Variants in DNAH14 observed in about 807,000 individuals in gnomAD.
DNAH14 encodes the protein axonemal beta dynein heavy chain 14.
Under a neutral mutation model 520.9 loss-of-function variants are expected in DNAH14, and 478 were observed. That is an observed-to-expected ratio of 0.92 (90% CI 0.85 to 0.99). DNAH14 has a LOEUF of 0.99. DNAH14 is among the 50% of genes least tolerant of loss of function. The probability of loss-of-function intolerance (pLI) is 0.00; values close to 1 mark genes in which losing one functional copy is unlikely to be tolerated. For synonymous variants in DNAH14, 1,581 were observed against 1,757.2 expected (o/e 0.90, Z 2.51); for missense variants, 4,831 against 5,234.5 (o/e 0.92, Z 2.38).
intron 73 of DNAH14, 169 bp downstream of exon 73, chr1:225,354,057 C>A: frequency 1.5e-6 from 1 of 682,858 alleles, no homozygotes. Context: ...ATGCTTCTTT[C>A]ATGTGGAGAG....
At chr1:224,948,446 C>G (rs2059980024) in intron 1 of DNAH14, among the ~76,000 whole-genome samples, 2 of 151,546 alleles carry the variant, frequency 1.3e-5, no homozygotes, top group South Asian at 4.2e-4. Flanking sequence ...TACTTGCATC[C>G]TTGTTGTATC....
rs1456483036 is a variant in DNAH14, at chr1:225,185,343, T to C, written c.5588T>C (p.Val1863Ala). 1.3e-6 allele frequency: 2 copies of C among 1,547,944 alleles called. No individual in the cohort carries two copies. Among genetic ancestry groups the C allele is most frequent in the Non-Finnish European group, 1.7e-6 (2 of 1,145,538 alleles). Reference sequence around the variant, plus strand: ...CCAACAGGTGGAGGAAAGACAACAGTCAGAAGAATTTTGGAAAAAGCATTA... The same window carrying C: ...CCAACAGGTGGAGGAAAGACAACAGCCAGAAGAATTTTGGAAAAAGCATTA... ...VGPTGGGKTT[V>A]RRILEKALTL... is the part of the protein sequence containing the mutation. Residue 1863 changes from valine (V) to alanine (A), a missense_variant, in exon 37 of 86, where the codon GTC becomes GCC. Coordinates refer to ENST00000682510, the MANE Select transcript of DNAH14 (RefSeq NM_001367479.1).
intron 55 of DNAH14, among the ~76,000 whole-genome samples, chr1:225,296,250 A>C (rs1336703472): frequency 6.6e-6 from 1 of 152,086 alleles, no homozygotes; most frequent in Admixed American, 6.6e-5. Context: ...AATAGAGACG[A>C]GGTCTCACTA....
At chr1:225,243,440 C>A (rs2092089481) in intron 43 of DNAH14, among the ~76,000 whole-genome samples, 1 of 151,862 alleles carries the variant, frequency 6.6e-6, no homozygotes. Flanking sequence ...TTGTAAAACA[C>A]ATAAAGAAAA....
intron 55 of DNAH14, among the ~76,000 whole-genome samples, chr1:225,291,986 T>TA (rs2093903260): frequency 1.3e-5 from 2 of 152,216 alleles, no homozygotes; most frequent in Admixed American, 6.5e-5. Flanking sequence ...ATATTCTAGA[T>TA]ATGAATCCTC....
chr1:225,343,003 C>CTGTCTTGTATCAGTGCAA lies in DNAH14; in HGVS notation c.10678+2320_10678+2337dup, dbSNP rs2095223436. Reference sequence around the variant, plus strand: ...CTTCCCGGAAGCAAGACAGATCTGCCTGTCTTGTATCAGTGCAATGTCTTG... The same window carrying CTGTCTTGTATCAGTGCAA: ...CTTCCCGGAAGCAAGACAGATCTGCCTGTCTTGTATCAGTGCAATGTCTTGTATCAGTGCAATGTCTTG... On this transcript the variant is annotated intron_variant, in intron 69 of 85. Coordinates refer to ENST00000682510, the MANE Select transcript of DNAH14 (RefSeq NM_001367479.1). Among the ~76,000 whole-genome samples the CTGTCTTGTATCAGTGCAA allele has an allele frequency of 1.5e-4, 23 of 152,276 alleles. No homozygotes were observed. The South Asian group carries it at 4.8e-3, about 32-fold the overall frequency.
intron 8 of DNAH14, among the ~76,000 whole-genome samples, chr1:224,997,100 G>A (rs998704159): frequency 6.6e-6 from 1 of 152,124 alleles, no homozygotes; most frequent in Non-Finnish European, 1.5e-5. Flanking sequence ...CTCAGATTGT[G>A]TACTACTGCT....
In DNAH14 at chr1:225,147,135, A is replaced by C; in HGVS notation, c.4826A>C (p.Gln1609Pro). The C allele has an allele frequency of 6.5e-7, 1 of 1,547,336 alleles. No individual in the cohort carries two copies. The highest frequency in any genetic ancestry group is 8.7e-7 in the Non-Finnish European group (1 of 1,145,616). The change falls in exon 31 of 86, where the codon CAG (glutamine) becomes CCG (proline). Residue 1609 changes from glutamine to proline, a missense_variant. By Grantham distance (76) the Gln-to-Pro change is moderately conservative. Coordinates refer to ENST00000682510, the MANE Select transcript of DNAH14 (RefSeq NM_001367479.1). ...AGAAAATTTTTCTTTGGACTAGTTC[A>C]GTCAGGAGCATGGAGTTGTTTTGAT... The part of the protein sequence containing the change: ...IVRKFFFGLV[Q>P]SGAWSCFDEF...
At chr1:225,340,423 T>G (rs1359011340) in intron 68 of DNAH14, 34 bp from the exon 69 acceptor site, 2 of 1,496,874 alleles carry the variant, frequency 1.3e-6, no homozygotes, top group South Asian at 2.7e-5. Flanking sequence ...CTTCTACATG[T>G]TCTTTGAATA....
intron 27 of DNAH14, among the ~76,000 whole-genome samples, chr1:225,140,378 C>G (rs2079329780): frequency 6.6e-6 from 1 of 152,150 alleles, no homozygotes; most frequent in African/African-American, 2.4e-5. Context: ...AGTCTGTAAA[C>G]TTTCTGAAAA....
chr1:224,933,152 G>C (rs1221243759), intron 1 of DNAH14, among the ~76,000 whole-genome samples: 1 of 151,790 alleles, frequency 6.6e-6, no homozygotes, highest in Non-Finnish European at 1.5e-5. Context: ...TACCTCCTTG[G>C]TTAAATTTAT....
rs566339712 is a variant in DNAH14, at chr1:225,289,987, A to G, written c.8374A>G (p.Ile2792Val). The change falls in exon 55 of 86, where the codon ATC (isoleucine) becomes GTC (valine). Residue 2792 changes from isoleucine (I) to valine (V), a missense_variant. Transcript: ENST00000682510. ...GCCTATATCTCACAAATGTGCCTAC[A>G]TCGAATTCAAAGAAGTCTTTAAAAA... ...RVPISHKCAY[I>V]EFKEVFKKVF... The G allele has an allele frequency of 1.4e-4, 213 of 1,543,906 alleles. No individual in the cohort carries two copies. Among genetic ancestry groups the G allele is most frequent in the Non-Finnish European group, 1.8e-4 (203 of 1,142,872 alleles).
intron 81 of DNAH14, among the ~76,000 whole-genome samples, chr1:225,384,303 T>C (rs1461987529): frequency 1.3e-5 from 2 of 152,198 alleles, no homozygotes; most frequent in African/African-American, 2.4e-5. Flanking sequence ...GTTAACTTTC[T>C]GACTTGTTGA....
chr1:225,225,286 AC>A (rs2149530931), intron 41 of DNAH14, among the ~76,000 whole-genome samples: 1 of 152,306 alleles, frequency 6.6e-6, no homozygotes, highest in Non-Finnish European at 1.5e-5. Flanking sequence ...AATTTGGAAA[AC>A]TAACATATGT....
At chr1:225,118,029 T>A in intron 25 of DNAH14, 30 bp downstream of exon 25, 2 of 1,430,030 alleles carry the variant, frequency 1.4e-6, no homozygotes, top group Non-Finnish European at 1.9e-6. Flanking sequence ...CTGTTTAGAT[T>A]CTGTACAACG....
At chr1:225,316,052 G>A (rs1485241337) in intron 60 of DNAH14, among the ~76,000 whole-genome samples, 1 of 152,252 alleles carries the variant, frequency 6.6e-6, no homozygotes, top group African/African-American at 2.4e-5. Flanking sequence ...GCCCTGCCCA[G>A]ACAGGAGGTA....
chr1:224,942,749 C>A (rs557572859), intron 1 of DNAH14, among the ~76,000 whole-genome samples: 2 of 151,668 alleles, frequency 1.3e-5, no homozygotes, highest in East Asian at 3.9e-4. Context: ...CTTTTCACAT[C>A]TATTGAGATA....
At chr1:225,096,970 G>A in intron 21 of DNAH14, 148 bp from the exon 22 acceptor site, 1 of 637,020 alleles carries the variant, frequency 1.6e-6, no homozygotes, top group South Asian at 3.7e-5. Flanking sequence ...AATACAATTA[G>A]ATCTGTATTC....
At chr1:225,368,700 T>TA (rs914215900) in intron 77 of DNAH14, among the ~76,000 whole-genome samples, 21 of 149,648 alleles carry the variant, frequency 1.4e-4, no homozygotes, top group East Asian at 7.8e-4. Flanking sequence ...TACAACAATT[T>TA]AAAAAAAAAA....
Sources: allele counts gnomAD v4.1 joint callset (sites outside exome capture counted in the v4.1 genomes callset), GRCh38; gene constraint gnomAD v4.1.1; transcripts MANE v1.5; gene names NCBI Gene and HGNC (gene_info 2026-07-23, HGNC 2026-07-21).